TSHZ2: variants seen among roughly 807,000 people sequenced by gnomAD.
The protein encoded by TSHZ2 is teashirt homolog 2.
A neutral mutation model predicts 74.4 loss-of-function variants in TSHZ2; 21 were observed. The observed-to-expected ratio is 0.28, with a 90% CI of 0.20 to 0.41. The LOEUF (loss-of-function observed/expected upper bound fraction) is 0.41, where lower values mean the gene tolerates loss of function less well. Ranked by LOEUF, TSHZ2 falls within the 10% of genes least tolerant of loss-of-function variation. TSHZ2 has a pLI of 1.00. For synonymous variants in TSHZ2, 540 were observed against 515.3 expected (o/e 1.05, Z -0.65); for missense variants, 1,244 against 1,293.5 (o/e 0.96, Z 0.59).
chr20:53,463,429 A>G (rs894098933), intron 2 of TSHZ2, among the ~76,000 whole-genome samples: 12 of 115,246 alleles, frequency 1.0e-4, no homozygotes, highest in South Asian at 3.5e-4. Flanking sequence ...GAAGGAAGGA[A>G]GGAAGGAGGG....
At chr20:53,034,377 C>T (rs1423952732) in intron 1 of TSHZ2, among the ~76,000 whole-genome samples, 1 of 152,048 alleles carries the variant, frequency 6.6e-6, no homozygotes, top group African/African-American at 2.4e-5. Context: ...GGTGTCTGCC[C>T]CATAGAGGTA....
In TSHZ2 at chr20:53,454,699, A is replaced by G. The variant is rs369658602; in HGVS notation, c.*9-32445A>G. 2.6e-5 allele frequency among the ~76,000 whole-genome samples: 4 copies of G among 152,310 alleles called. No homozygotes were observed. In the East Asian group the frequency reaches 5.8e-4, roughly 22 times the overall value. On this transcript the variant is annotated intron_variant, in intron 2 of 2. Coordinates refer to ENST00000371497, the MANE Select transcript of TSHZ2 (RefSeq NM_173485.6). ...TCCCCTTTCTCAAAGTAGCCCCATC[A>G]GAACTGAAACCCTCCCAATTGTCCC...
intron 2 of TSHZ2, among the ~76,000 whole-genome samples, chr20:53,298,391 G>C (rs1991421509): frequency 1.3e-5 from 2 of 152,200 alleles, no homozygotes; most frequent in South Asian, 4.1e-4. Flanking sequence ...AGTGTAAGTT[G>C]GATGGATGGA....
intron 1 of TSHZ2, among the ~76,000 whole-genome samples, chr20:53,166,501 T>C (rs1449158290): frequency 6.6e-6 from 1 of 152,158 alleles, no homozygotes; most frequent in African/African-American, 2.4e-5. Flanking sequence ...CCAGGAGTGG[T>C]GGCTCATGCA....
chr20:53,418,503 C>A (rs536446888), intron 2 of TSHZ2, among the ~76,000 whole-genome samples: 3 of 152,132 alleles, frequency 2.0e-5, no homozygotes, highest in Non-Finnish European at 4.4e-5. Context: ...GTGAAAGGCA[C>A]GTCTCACATG....
At chr20:53,244,373 G>A (rs543235631) in intron 1 of TSHZ2, among the ~76,000 whole-genome samples, 26 of 152,206 alleles carry the variant, frequency 1.7e-4, no homozygotes, top group Non-Finnish European at 3.7e-4. Flanking sequence ...TTTGATAGGA[G>A]AGTCTCAGTT....
At chr20:53,121,036 C>G (rs1395772001) in intron 1 of TSHZ2, among the ~76,000 whole-genome samples, 2 of 151,796 alleles carry the variant, frequency 1.3e-5, no homozygotes, top group African/African-American at 4.8e-5. Flanking sequence ...CTTTCAGACT[C>G]TTAGGAAAGT....
rs190102655 is a variant in TSHZ2, at chr20:53,011,039, A to T, written c.40+37706A>T. Among the ~76,000 whole-genome samples, 1,003 of 152,344 alleles carry T rather than the reference A, an allele frequency of 6.6e-3. 16 individuals are homozygous for T. Among genetic ancestry groups the T allele is most frequent in the African/African-American group, 0.023 (952 of 41,584 alleles). On this transcript the variant is annotated intron_variant, in intron 1 of 2. Coordinates refer to ENST00000371497, the MANE Select transcript of TSHZ2 (RefSeq NM_173485.6). The stretch of plus-strand genomic sequence containing the variant: ...TACTTGTAAGTAATACCAATAAAAT[A>T]AAAAAGTGAATATCATATTTGATAA...
intron 1 of TSHZ2, among the ~76,000 whole-genome samples, chr20:53,075,297 G>A (rs1279001259): frequency 6.6e-6 from 1 of 152,170 alleles, no homozygotes; most frequent in Non-Finnish European, 1.5e-5. Flanking sequence ...TCTGTGCAAA[G>A]GATCTTTCTT....
intron 2 of TSHZ2, among the ~76,000 whole-genome samples, chr20:53,422,413 TG>T (rs893979100): frequency 2.6e-5 from 4 of 152,202 alleles, no homozygotes; most frequent in African/African-American, 9.6e-5. Context: ...CAGATCCATG[TG>T]GTTTTAAGGG....
intron 1 of TSHZ2, among the ~76,000 whole-genome samples, chr20:53,080,494 G>A (rs1293443): frequency 0.23 from 34,814 of 152,110 alleles, 4,398 homozygotes; most frequent in Middle Eastern, 0.33. Context: ...CCAGGGATCA[G>A]CTTCATGGAA....
chr20:53,353,244 A>T (rs1980724315), intron 2 of TSHZ2, among the ~76,000 whole-genome samples: 1 of 152,176 alleles, frequency 6.6e-6, no homozygotes, highest in South Asian at 2.1e-4. Context: ...TGCATAGCAA[A>T]CACCCAGTGA....
chr20:53,320,988 A>G lies in TSHZ2; in HGVS notation c.*8+64417A>G, dbSNP rs150051474. On this transcript the variant is annotated intron_variant, in intron 2 of 2. Coordinates refer to ENST00000371497, the MANE Select transcript of TSHZ2 (RefSeq NM_173485.6). ...TAGACAAATTAGAAACATAAGTCCC[A>G]GTAGAAATGAGATTTCCATAAAGTT... 4.6e-5 allele frequency among the ~76,000 whole-genome samples: 7 copies of G among 152,370 alleles called. No homozygotes were observed. In the East Asian group the frequency reaches 9.6e-4, roughly 21 times the overall value.
chr20:53,004,026 A>C (rs569829585), intron 1 of TSHZ2, among the ~76,000 whole-genome samples: 44 of 152,058 alleles, frequency 2.9e-4, no homozygotes, highest in Middle Eastern at 6.8e-3. Flanking sequence ...CCCTGTTTTC[A>C]TCACTGCCAA....
intron 1 of TSHZ2, among the ~76,000 whole-genome samples, chr20:53,143,550 G>A (rs1987462481): frequency 1.3e-5 from 2 of 152,064 alleles, no homozygotes; most frequent in Non-Finnish European, 2.9e-5. Context: ...AAATTAGCCG[G>A]GCATGGTGGC....
chr20:53,333,992 A>G (rs2741357), intron 2 of TSHZ2, among the ~76,000 whole-genome samples: 4 of 152,206 alleles, frequency 2.6e-5, no homozygotes, highest in Admixed American at 6.5e-5. Flanking sequence ...GATATTTGCA[A>G]TGTTCTGGAA....
rs1555834692 is a variant in TSHZ2 at position 53,192,578 on chromosome 20, A to AC, written c.41-60918dup. On this transcript the variant is annotated intron_variant, in intron 1 of 2. Coordinates refer to ENST00000371497, the MANE Select transcript of TSHZ2 (RefSeq NM_173485.6). The stretch of plus-strand genomic sequence containing the variant: ...TAGTGTCTGGAAAAAAAAAAAAAAA[A>AC]CCCACAACAACTGGTCTATGAATTG... Among the ~76,000 whole-genome samples the AC allele has an allele frequency of 5.3e-5, 8 of 150,446 alleles. No individual in the cohort carries two copies. In the East Asian group the frequency reaches 6.2e-4, roughly 12 times the overall value.
chr20:53,300,452 T>C (rs1485851782), intron 2 of TSHZ2, among the ~76,000 whole-genome samples: 4 of 152,238 alleles, frequency 2.6e-5, no homozygotes, highest in Non-Finnish European at 5.9e-5. Flanking sequence ...AAAGGCAATT[T>C]CTGATGTTCC....
chr20:53,310,624 T>C (rs188312674), intron 2 of TSHZ2, among the ~76,000 whole-genome samples: 2 of 152,228 alleles, frequency 1.3e-5, no homozygotes, highest in Admixed American at 1.3e-4. Context: ...AAAATTCATT[T>C]CCTTTCAGCT....
Sources: allele counts gnomAD v4.1 joint callset (sites outside exome capture counted in the v4.1 genomes callset), GRCh38; gene constraint gnomAD v4.1.1; transcripts MANE v1.5; gene names NCBI Gene and HGNC (gene_info 2026-07-23, HGNC 2026-07-21).